Variants in CD99 observed in about 807,000 individuals in gnomAD.
CD99 encodes CD99 antigen.
Under a neutral mutation model 28.4 loss-of-function variants are expected in CD99, and 19 were observed. That is an observed-to-expected ratio of 0.67 (90% CI 0.47 to 0.98). The LOEUF (loss-of-function observed/expected upper bound fraction) is 0.98, where lower values mean the gene tolerates loss of function less well. CD99 is among the 50% of genes least tolerant of loss of function. CD99 has a pLI of 0.00. For synonymous variants in CD99, 103 were observed against 92.1 expected, an observed-to-expected ratio of 1.12 and a Z score of -0.67; for missense variants, 283 against 248.8, an observed-to-expected ratio of 1.14 and a Z score of -0.92.
intron 2 of CD99, among the ~76,000 whole-genome samples, chrX:2,716,529 T>A (rs983897209): frequency 5.9e-5 from 9 of 152,106 alleles, no homozygotes; most frequent in African/African-American, 1.9e-4. Flanking sequence ...TCTCACTGTG[T>A]TGCTCAGATT....
chrX:2,713,159 C>T (rs1404847222), intron 1 of CD99, among the ~76,000 whole-genome samples: 1 of 151,844 alleles, frequency 6.6e-6, no homozygotes, highest in Non-Finnish European at 1.5e-5. Flanking sequence ...TATACATGCA[C>T]CTACACACAT....
intron 8 of CD99, among the ~76,000 whole-genome samples, chrX:2,735,179 G>GTA (rs1355369716): frequency 6.6e-6 from 1 of 152,128 alleles, no homozygotes; most frequent in African/African-American, 2.4e-5. Flanking sequence ...TGATCCTCAG[G>GTA]TATATGGTCT....
chrX:2,709,904 G>A (rs1249513966), intron 1 of CD99, among the ~76,000 whole-genome samples: 4 of 152,196 alleles, frequency 2.6e-5, no homozygotes, highest in Non-Finnish European at 5.9e-5. Context: ...ACACCTGGGT[G>A]GGCAAATGGC....
At chrX:2,721,348 A>G (rs2048983759) in intron 5 of CD99, among the ~76,000 whole-genome samples, 1 of 151,566 alleles carries the variant, frequency 6.6e-6, no homozygotes. Flanking sequence ...CAGTGCTGTG[A>G]TCATATTAAA....
At chrX:2,715,654 A>G (rs1430837789) in intron 2 of CD99, 1 of 151,362 alleles carries the variant, frequency 6.6e-6, no homozygotes, top group African/African-American at 2.4e-5. Flanking sequence ...TAGGATGTAG[A>G]TATATCTTTT....
At position 2,734,374 on chromosome X, in the gene CD99, T is replaced by G. The variant is rs748412617; in HGVS notation, c.476-3826T>G. On this transcript the variant is annotated intron_variant, in intron 8 of 9. Coordinates refer to ENST00000381192, the MANE Select transcript of CD99 (RefSeq NM_002414.5). The stretch of plus-strand genomic sequence containing the variant: ...CAGGCTGGAGTGCAGTGGTGCAATC[T>G]TGGCTCACTGCAGCCTCCACCTCCT... 3.1e-3 allele frequency among the ~76,000 whole-genome samples: 472 copies of G among 152,184 alleles called. 3 individuals carry two copies. The highest frequency in any genetic ancestry group is 0.011 in the African/African-American group (455 of 41,550).
intron 8 of CD99, among the ~76,000 whole-genome samples, chrX:2,729,608 C>T (rs2267799): frequency 0.36 from 54,458 of 151,896 alleles, 10,329 homozygotes; most frequent in South Asian, 0.69. Flanking sequence ...CAGAGGCTCA[C>T]CATATCACAT....
intron 1 of CD99, among the ~76,000 whole-genome samples, chrX:2,707,630 C>T (rs976405676): frequency 3.3e-5 from 5 of 152,206 alleles, no homozygotes; most frequent in Non-Finnish European, 5.9e-5. Flanking sequence ...TACCCTGTCC[C>T]GGAAACATCT....
chrX:2,734,463 C>T (rs1256208726), intron 8 of CD99, among the ~76,000 whole-genome samples: 2 of 151,748 alleles, frequency 1.3e-5, no homozygotes, highest in East Asian at 3.9e-4. Context: ...CACACCACCA[C>T]ACCCAGCTAA....
intron 1 of CD99, among the ~76,000 whole-genome samples, chrX:2,693,545 A>G (rs1239089323): frequency 6.6e-6 from 1 of 152,186 alleles, no homozygotes; most frequent in African/African-American, 2.4e-5. Context: ...TCATCGGGAA[A>G]GTTGACTTTT....
chrX:2,740,863 G>T lies in CD99; in HGVS notation c.*59G>T. On this transcript the variant is annotated 3_prime_UTR_variant, in exon 10 of 10. Transcript: ENST00000381192. ...AGCAGGGTTAGAACAGCTGCCTGAG[G>T]CTCCTCCCTGAAGGACACCTGCCTG... The T allele has an allele frequency of 1.3e-6, 2 of 1,590,574 alleles. No individual in the cohort carries two copies. The highest frequency in any genetic ancestry group is 1.1e-5 in the South Asian group (1 of 90,686).
At chrX:2,707,329 C>CA (rs111958638) in intron 1 of CD99, among the ~76,000 whole-genome samples, 1 of 149,186 alleles carries the variant, frequency 6.7e-6, no homozygotes, top group Non-Finnish European at 1.5e-5. Context: ...AACTCTGCCT[C>CA]AAAAGAAAAG....
rs184386447 is a variant in CD99, at chrX:2,720,268, G to A, written c.194-88G>A. 17 of 1,219,594 alleles carry A rather than the reference G, an allele frequency of 1.4e-5. No individual in the cohort carries two copies. In the East Asian group the frequency reaches 3.7e-4, roughly 27 times the overall value. 75.5% of individuals were successfully genotyped at this position (1,219,594 alleles called of 1,614,324 possible). A position where few individuals can be genotyped will look rare whatever the true frequency, so the allele number is the denominator to read the frequency against. ...GGACAAAGGCCAAGGTCCAATTTCT[G>A]TTCAGGGAACCATCTGTGTGTAAAC... On this transcript the variant is annotated intron_variant, in intron 4 of 9. Transcript: ENST00000381192.
At chrX:2,711,128 C>G (rs191324953) in intron 1 of CD99, among the ~76,000 whole-genome samples, 58 of 150,400 alleles carry the variant, frequency 3.9e-4, no homozygotes, top group Middle Eastern at 3.4e-3. Context: ...ACCTTGGCCT[C>G]CCAAAGTGCT....
chrX:2,720,299 T>A lies in CD99; in HGVS notation c.194-57T>A. On this transcript the variant is annotated intron_variant, in intron 4 of 9. Coordinates refer to ENST00000381192, the MANE Select transcript of CD99 (RefSeq NM_002414.5). ...GGAACCATCTGTGTGTAAACTGATG[T>A]TTCATTTTCTTTACTGCAAGGCACT... is the stretch of plus-strand genomic sequence containing the variant. 2.0e-6 allele frequency: 3 copies of A among 1,500,372 alleles called. No individual in the cohort carries two copies. In the South Asian group the frequency reaches 3.4e-5, roughly 17 times the overall value. The allele number at this position is 1,500,372 out of a possible 1,614,324, so 92.9% of individuals were successfully genotyped here.
At chrX:2,706,299 G>A (rs1872090130) in intron 1 of CD99, among the ~76,000 whole-genome samples, 1 of 152,052 alleles carries the variant, frequency 6.6e-6, no homozygotes, top group African/African-American at 2.4e-5. Flanking sequence ...GGCATAGCTT[G>A]CAGTGAGCCA....
chrX:2,718,356 C>A (rs1315276212), intron 3 of CD99, among the ~76,000 whole-genome samples: 1 of 151,224 alleles, frequency 6.6e-6, no homozygotes, highest in African/African-American at 2.4e-5. Context: ...TCAGTGCTTG[C>A]TGTTCTTTCT....
chrX:2,712,601 T>G (rs2048461882), intron 1 of CD99, among the ~76,000 whole-genome samples: 1 of 152,092 alleles, frequency 6.6e-6, no homozygotes, highest in Non-Finnish European at 1.5e-5. Flanking sequence ...GAGCTGTAAT[T>G]GCATTTATGA....
At chrX:2,715,146 C>G in intron 2 of CD99, 1 of 152,368 alleles carries the variant, frequency 6.6e-6, no homozygotes, top group East Asian at 1.9e-4. Context: ...GTCTCCCGCT[C>G]CTCACCCAGA....
Sources: gnomAD v4.1 joint callset for allele counts (sites outside exome capture counted in the v4.1 genomes callset) on GRCh38, gnomAD v4.1.1 for gene constraint, MANE v1.5 for transcripts, NCBI Gene and HGNC (gene_info 2026-07-23, HGNC 2026-07-21) for gene names.